Variants in PGCKA1 observed in about 807,000 individuals in gnomAD.
The protein encoded by PGCKA1 is PDCD10 and GCKIII kinases associated 1.
the PGCKA1 span, among the ~76,000 whole-genome samples, chr4:37,527,079 C>CA: frequency 7.4e-6 from 1 of 135,338 alleles, no homozygotes. Context: ...TACCTTTTAA[C>CA]AAAAAGGTTT....
chr4:37,516,349 G>T, the PGCKA1 span, among the ~76,000 whole-genome samples: 1 of 152,204 alleles, frequency 6.6e-6, no homozygotes, highest in Non-Finnish European at 1.5e-5. Context: ...AGTACTGACC[G>T]AAATCGATGT....
At chr4:37,575,920 T>C in the PGCKA1 span, among the ~76,000 whole-genome samples, 1 of 152,140 alleles carries the variant, frequency 6.6e-6, no homozygotes, top group African/African-American at 2.4e-5. Context: ...AGTGTATTGA[T>C]TTGTTTCTGA....
chr4:37,473,125 T>C, the PGCKA1 span, among the ~76,000 whole-genome samples: 7 of 152,196 alleles, frequency 4.6e-5, no homozygotes, highest in Non-Finnish European at 1.0e-4. Flanking sequence ...AATCCCAGGC[T>C]AACTTGCTAG....
the PGCKA1 span, chr4:37,590,695 G>T: frequency 6.2e-7 from 1 of 1,614,070 alleles, no homozygotes. Flanking sequence ...CCATACTGAG[G>T]ATGAATCCCT....
chr4:37,515,587 A>G, the PGCKA1 span, among the ~76,000 whole-genome samples: 2 of 152,246 alleles, frequency 1.3e-5, no homozygotes, highest in Admixed American at 6.5e-5. Flanking sequence ...CGGGACAAGC[A>G]GTATATTCTG....
At chr4:37,485,672 G>C in the PGCKA1 span, among the ~76,000 whole-genome samples, 1 of 151,920 alleles carries the variant, frequency 6.6e-6, no homozygotes, top group East Asian at 1.9e-4. Flanking sequence ...CTCAGAATCT[G>C]CATACTGCTT....
At chr4:37,525,900 T>G in the PGCKA1 span, among the ~76,000 whole-genome samples, 2 of 152,242 alleles carry the variant, frequency 1.3e-5, no homozygotes, top group African/African-American at 4.8e-5. Flanking sequence ...AATTCATATC[T>G]TAATCAATGG....
the PGCKA1 span, among the ~76,000 whole-genome samples, chr4:37,490,611 A>T: frequency 1.5e-4 from 23 of 152,262 alleles, no homozygotes; most frequent in Non-Finnish European, 2.6e-4. Flanking sequence ...GTCTAAACAG[A>T]AGGGTACTTT....
At chr4:37,549,757 G>A in the PGCKA1 span, among the ~76,000 whole-genome samples, 2 of 152,032 alleles carry the variant, frequency 1.3e-5, no homozygotes, top group African/African-American at 2.4e-5. Flanking sequence ...CCCAACCTCC[G>A]AGACTACCCT....
the PGCKA1 span, among the ~76,000 whole-genome samples, chr4:37,509,458 C>T: frequency 4.2e-5 from 6 of 142,764 alleles, no homozygotes; most frequent in South Asian, 1.4e-3. Flanking sequence ...TGGGCAGAGA[C>T]GCTCCTCACT....
the PGCKA1 span, among the ~76,000 whole-genome samples, chr4:37,469,184 TG>T: frequency 6.6e-6 from 1 of 152,214 alleles, no homozygotes; most frequent in East Asian, 1.9e-4. Flanking sequence ...CATCTAGGTT[TG>T]TATAAGTACA....
the PGCKA1 span, among the ~76,000 whole-genome samples, chr4:37,504,676 G>A: frequency 6.6e-6 from 1 of 151,940 alleles, no homozygotes; most frequent in Admixed American, 6.6e-5. Flanking sequence ...TTTATTTTAT[G>A]TGTAGCTGTT....
chr4:37,547,304 T>G, the PGCKA1 span, among the ~76,000 whole-genome samples: 1 of 152,226 alleles, frequency 6.6e-6, no homozygotes, highest in Non-Finnish European at 1.5e-5. Flanking sequence ...TTGACCTGGC[T>G]TGGATTTCTG....
chr4:37,461,323 T>A, the PGCKA1 span, among the ~76,000 whole-genome samples: 1 of 152,088 alleles, frequency 6.6e-6, no homozygotes, highest in Admixed American at 6.5e-5. Flanking sequence ...CCATATTAAT[T>A]TTAAATTAGC....
the PGCKA1 span, among the ~76,000 whole-genome samples, chr4:37,571,472 C>T: frequency 6.7e-6 from 1 of 149,282 alleles, no homozygotes; most frequent in Non-Finnish European, 1.5e-5. Flanking sequence ...AAACGATTCT[C>T]CTGCCTCACC....
At chr4:37,483,436 T>C in the PGCKA1 span, among the ~76,000 whole-genome samples, 4 of 152,286 alleles carry the variant, frequency 2.6e-5, no homozygotes, top group African/African-American at 9.6e-5. Flanking sequence ...GCCAGTGCCA[T>C]CTTTGTTCCT....
At chr4:37,554,579 C>T in the PGCKA1 span, among the ~76,000 whole-genome samples, 7 of 152,128 alleles carry the variant, frequency 4.6e-5, no homozygotes, top group Admixed American at 4.6e-4. Flanking sequence ...AACTTCTGAC[C>T]TCAGGTGATC....
the PGCKA1 span, among the ~76,000 whole-genome samples, chr4:37,528,080 A>G: frequency 6.6e-6 from 1 of 152,158 alleles, no homozygotes; most frequent in Admixed American, 6.5e-5. Flanking sequence ...CTTCATTTCA[A>G]AATTTTTTAA....
the PGCKA1 span, among the ~76,000 whole-genome samples, chr4:37,548,203 A>C: frequency 6.6e-6 from 1 of 152,174 alleles, no homozygotes; most frequent in Non-Finnish European, 1.5e-5. Flanking sequence ...TATGCAAAAA[A>C]TGTTGTATAA....
Sources: gnomAD v4.1 joint callset for allele counts (sites outside exome capture counted in the v4.1 genomes callset) on GRCh38, gnomAD v4.1.1 for gene constraint, MANE v1.5 for transcripts, NCBI Gene and HGNC (gene_info 2026-07-23, HGNC 2026-07-21) for gene names.